The following MYO9A variants were observed in gnomAD, a reference collection of about 807,000 sequenced individuals.
MYO9A encodes unconventional myosin-IXa.
In MYO9A, 103 loss-of-function variants were observed where a neutral mutation model predicts 293.3. The observed-to-expected ratio is 0.35, with a 90% CI of 0.30 to 0.41. The LOEUF (loss-of-function observed/expected upper bound fraction) is 0.41, where lower values mean the gene tolerates loss of function less well. Ranked by LOEUF, MYO9A falls within the 10% of genes least tolerant of loss-of-function variation. The pLI, the probability that MYO9A is intolerant of heterozygous loss-of-function variation, is 1.00. For missense variants in MYO9A, 2,685 were observed against 3,033.0 expected, an observed-to-expected ratio of 0.89 and a Z score of 2.69; for synonymous variants, 1,001 against 1,035.7, an observed-to-expected ratio of 0.97 and a Z score of 0.64.
intron 8 of MYO9A, among the ~76,000 whole-genome samples, chr15:72,003,512 C>A (rs28564635): frequency 1.3e-5 from 2 of 151,296 alleles, no homozygotes; most frequent in Middle Eastern, 3.4e-3. Context: ...CTGGCTAACA[C>A]GGTGAAACCC....
intron 15 of MYO9A, 81 bp downstream of exon 15, chr15:71,951,696 T>C (rs756952109): frequency 6.4e-7 from 1 of 1,566,018 alleles, no homozygotes; most frequent in African/African-American, 1.4e-5. Context: ...ACAATCTATA[T>C]CCCACCCTGG....
intron 14 of MYO9A, among the ~76,000 whole-genome samples, chr15:71,958,076 A>G (rs899668184): frequency 6.6e-6 from 1 of 152,190 alleles, no homozygotes; most frequent in African/African-American, 2.4e-5. Context: ...ATAAAAACAT[A>G]CTGTAATTCT....
At position 71,921,842 on chromosome 15, in the gene MYO9A, G is replaced by A. The variant is rs538221598; in HGVS notation, c.2563-5350C>T. Among the ~76,000 whole-genome samples, 3 of 152,162 alleles carry A rather than the reference G, an allele frequency of 2.0e-5. No individual in the cohort carries two copies. The East Asian group carries it at 5.8e-4, about 29-fold the overall frequency. ...CTATAAGTTATGACATATTTACATA[G>A]CTATGAAGCCATCACCACAATCATG... On this transcript the variant is annotated intron_variant, in intron 18 of 41. Coordinates refer to ENST00000356056, the MANE Select transcript of MYO9A (RefSeq NM_006901.4).
rs979317581 is a variant in MYO9A at position 72,091,906 on chromosome 15, C to T, written c.-72+25774G>A. On this transcript the variant is annotated intron_variant, in intron 1 of 41. Transcript: ENST00000356056. The stretch of plus-strand genomic sequence containing the variant: ...ATTTTTTGTATTTTTTTAGTAGAGA[C>T]GGGGTTTCACTGTGTTAGCCACGAT... Among the ~76,000 whole-genome samples the T allele has an allele frequency of 4.6e-5, 7 of 151,876 alleles. No homozygotes were observed. In the South Asian group the frequency reaches 6.2e-4, roughly 14 times the overall value.
intron 32 of MYO9A, among the ~76,000 whole-genome samples, chr15:71,873,514 T>C (rs1389407403): frequency 2.0e-5 from 3 of 152,152 alleles, no homozygotes; most frequent in Non-Finnish European, 4.4e-5. Flanking sequence ...TAATACATCA[T>C]TGCTAAAGTA....
intron 40 of MYO9A, among the ~76,000 whole-genome samples, chr15:71,829,237 AGCCCCAGCTGCTTTTTTAGCTGG>A (rs1050467629): frequency 5.9e-5 from 9 of 152,142 alleles, no homozygotes; most frequent in Non-Finnish European, 1.2e-4. Flanking sequence ...TTTACAGCTG[AGCCCCAGCTGCTTTTTTAGCTGG>A]CCTATATTCC....
intron 16 of MYO9A, among the ~76,000 whole-genome samples, chr15:71,935,962 C>T (rs2058632318): frequency 6.6e-6 from 1 of 151,138 alleles, no homozygotes; most frequent in Admixed American, 6.6e-5. Flanking sequence ...AAACTAAGTC[C>T]TATGAGACTC....
intron 4 of MYO9A, among the ~76,000 whole-genome samples, chr15:72,024,119 T>C (rs1262512336): frequency 6.6e-6 from 1 of 152,212 alleles, no homozygotes; most frequent in Non-Finnish European, 1.5e-5. Context: ...TAAACAAAGT[T>C]GGACTTCACA....
intron 3 of MYO9A, among the ~76,000 whole-genome samples, chr15:72,031,492 AT>A (rs1473335751): frequency 1.3e-5 from 2 of 152,206 alleles, no homozygotes; most frequent in African/African-American, 2.4e-5. Flanking sequence ...CTCAAAAAAA[AT>A]AAATAATAAA....
At chr15:71,941,933 T>A (rs554135558) in intron 15 of MYO9A, among the ~76,000 whole-genome samples, 1 of 152,222 alleles carries the variant, frequency 6.6e-6, no homozygotes, top group South Asian at 2.1e-4. Flanking sequence ...CACTCATAAG[T>A]ATTTACTGAG....
rs143618992 is a variant in MYO9A at position 71,887,552 on chromosome 15, T to G, written c.5255+452A>C. Among the ~76,000 whole-genome samples the G allele has an allele frequency of 3.3e-5, 5 of 152,278 alleles. No individual in the cohort carries two copies. In the East Asian group the frequency reaches 9.6e-4, roughly 29 times the overall value. Reference sequence around the variant, plus strand: ...CCGTTAGTTTCCCCATAAATTTACCTTCCCAGTTTTGTTACCTTTGGAAGC... The same window carrying G: ...CCGTTAGTTTCCCCATAAATTTACCGTCCCAGTTTTGTTACCTTTGGAAGC... On this transcript the variant is annotated intron_variant, in intron 27 of 41. Transcript: ENST00000356056.
At chr15:71,901,898 A>G (rs1009195472) in intron 22 of MYO9A, among the ~76,000 whole-genome samples, 13 of 152,204 alleles carry the variant, frequency 8.5e-5, no homozygotes, top group Non-Finnish European at 1.9e-4. Flanking sequence ...TGAATAAACC[A>G]ATGATAACAG....
intron 1 of MYO9A, among the ~76,000 whole-genome samples, chr15:72,073,061 G>C (rs1160984834): frequency 6.6e-6 from 1 of 152,118 alleles, no homozygotes. Context: ...ACCAGTCATG[G>C]TTAGTAATCA....
intron 18 of MYO9A, among the ~76,000 whole-genome samples, chr15:71,922,069 C>G (rs979831487): frequency 2.0e-5 from 3 of 152,192 alleles, no homozygotes; most frequent in Non-Finnish European, 2.9e-5. Flanking sequence ...CCTCCGCCTC[C>G]CAGGTTCAAG....
At position 72,045,801 on chromosome 15, in the gene MYO9A, G is replaced by A; in HGVS notation, c.763C>T (p.His255Tyr). Reference sequence around the variant, plus strand: ...CCTTTCTGACTGAGAGCAGTAAGGTGGTGAATAAGAAAGTTTGTGCTTTGA... The same window carrying A: ...CCTTTCTGACTGAGAGCAGTAAGGTAGTGAATAAGAAAGTTTGTGCTTTGA... ...KTQSTNFLIH[H>Y]LTALSQKGFA... Residue 255 changes from histidine (H) to tyrosine (Y), a missense_variant, in exon 2 of 42, where the codon CAC (histidine) becomes TAC (tyrosine). Physicochemically the swap from His to Tyr is moderately conservative, Grantham distance 83 (BLOSUM62 2). Transcript: ENST00000356056. 4 of 1,614,130 alleles carry A rather than the reference G, an allele frequency of 2.5e-6. No individual in the cohort carries two copies. Among genetic ancestry groups the A allele is most frequent in the Non-Finnish European group, 3.4e-6 (4 of 1,180,032 alleles).
chr15:71,934,306 T>C (rs2058565240), intron 17 of MYO9A, among the ~76,000 whole-genome samples: 1 of 152,138 alleles, frequency 6.6e-6, no homozygotes, highest in African/African-American at 2.4e-5. Context: ...CAATCTATGG[T>C]CTACCATCTA....
intron 19 of MYO9A, among the ~76,000 whole-genome samples, chr15:71,913,045 G>A (rs762264185): frequency 6.7e-6 from 1 of 149,906 alleles, no homozygotes; most frequent in Admixed American, 6.6e-5. Flanking sequence ...AAAATATTTT[G>A]CTCATTATTT....
chr15:72,101,111 G>A (rs1247123734), intron 1 of MYO9A, among the ~76,000 whole-genome samples: 1 of 140,926 alleles, frequency 7.1e-6, no homozygotes, highest in Non-Finnish European at 1.6e-5. Context: ...GTCCGGGAGG[G>A]AGGTCGGGGC....
At chr15:71,939,013 T>A in intron 15 of MYO9A, 86 bp from the exon 16 acceptor site, 2 of 994,172 alleles carry the variant, frequency 2.0e-6, no homozygotes, top group African/African-American at 1.7e-5. Flanking sequence ...CAAACGAAAA[T>A]TTAATCACGA....
Sources: gnomAD v4.1 joint callset for allele counts (sites outside exome capture counted in the v4.1 genomes callset) on GRCh38, gnomAD v4.1.1 for gene constraint, MANE v1.5 for transcripts, NCBI Gene and HGNC (gene_info 2026-07-23, HGNC 2026-07-21) for gene names.